The following NLRP7 variants were observed in gnomAD, a reference collection of about 807,000 sequenced individuals.
NLRP7 encodes the protein NLR family pyrin domain containing 7, also known as NACHT, LRR and PYD domains-containing protein 7.
NLRP7 carries 72 observed loss-of-function variants against 85.5 expected under a neutral mutation model. The ratio of observed to expected loss-of-function variants is 0.84; its 90% CI spans 0.70 to 1.02. NLRP7 has a LOEUF of 1.02. Among genes scored for constraint, NLRP7 ranks in the 50% least tolerant of loss-of-function variants. The pLI is 0.00. For synonymous variants in NLRP7, 550 were observed against 505.2 expected (o/e 1.09, Z -1.19); for missense variants, 1,243 against 1,219.5 (o/e 1.02, Z -0.29).
Position 54,934,025 on chromosome 19 carries a change from T to G in NLRP7, c.2472-286A>C, listed in dbSNP as rs2068786301. Reference sequence around the variant, plus strand: ...TGGCGCGATCTCGGTTCACTGCCAATCGCCGCCTCCCAGGTTTACACCATT... The same window carrying G: ...TGGCGCGATCTCGGTTCACTGCCAAGCGCCGCCTCCCAGGTTTACACCATT... On this transcript the variant is annotated intron_variant, in intron 7 of 9. Coordinates refer to ENST00000340844, the Ensembl canonical transcript of NLRP7. The surrounding 1 kb of genome is among the most constrained non-coding windows in gnomAD (Gnocchi z 6.7). Among the ~76,000 whole-genome samples, 1 of 152,124 alleles carries G rather than the reference T, an allele frequency of 6.6e-6. No individual in the cohort carries two copies. The highest frequency in any genetic ancestry group is 1.5e-5 in the Non-Finnish European group (1 of 68,012).
chr19:54,939,101 C>T lies in NLRP7; in HGVS notation c.1718G>A (p.Gly573Asp), dbSNP rs149696586. The T allele has an allele frequency of 1.1e-3, 1,697 of 1,614,216 alleles. 13 individuals are homozygous for T. The highest frequency in any genetic ancestry group is 4.5e-4 in the Non-Finnish European group (533 of 1,180,046). Residue 573 changes from glycine (G) to aspartate (D), a missense_variant, in exon 4 of 10, where the codon GGC (glycine) becomes GAC (aspartate). Gly to Asp is a moderately conservative substitution (Grantham distance 94, BLOSUM62 -1). Transcript: ENST00000340844. The stretch of plus-strand genomic sequence containing the variant: ...CTCCTCCTGAGACTCATACAGGCAG[C>T]CCAAGACCTCCTTCAGGTCGGTCAC...
chr19:54,959,478 T>C (rs2069967500), intron 1 of NLRP7, among the ~76,000 whole-genome samples: 1 of 150,830 alleles, frequency 6.6e-6, no homozygotes, highest in South Asian at 2.1e-4. Context: ...TATAAAACAA[T>C]ATAAAACAAT....
chr19:54,933,570 C>T (rs1180415209), exon 8 of NLRP7: 19 of 1,614,178 alleles, frequency 1.2e-5, no homozygotes, highest in Middle Eastern at 1.6e-4. Context: ...GGGACTTACA[C>T]CAAGGTCTGC....
chr19:54,942,925 T>A (rs1263692644), intron 1 of NLRP7, among the ~76,000 whole-genome samples: 1 of 151,590 alleles, frequency 6.6e-6, no homozygotes, highest in African/African-American at 2.4e-5. Context: ...GGCAGGTGGA[T>A]CGCCTGATGT....
At chr19:54,927,659 A>T (rs985978803) in intron 9 of NLRP7, 3 of 1,614,156 alleles carry the variant, frequency 1.9e-6, no homozygotes, top group South Asian at 1.1e-5. Flanking sequence ...GAGCTTAATT[A>T]TGCCACTCTT....
chr19:54,925,806 C>G (rs2068406401), intron 9 of NLRP7, among the ~76,000 whole-genome samples: 1 of 152,106 alleles, frequency 6.6e-6, no homozygotes, highest in Non-Finnish European at 1.5e-5. Flanking sequence ...CGAGACCAGC[C>G]TGGCCAACAT....
At chr19:54,935,569 G>A (rs1001854085) in intron 6 of NLRP7, among the ~76,000 whole-genome samples, 20 of 142,456 alleles carry the variant, frequency 1.4e-4, no homozygotes, top group East Asian at 4.1e-4. Flanking sequence ...GGTGGTGCAC[G>A]CCTGTAACCC....
rs969207560 is a variant in NLRP7, at chr19:54,954,703, A to G, written c.-76-7198T>C. On this transcript the variant is annotated intron_variant, in intron 1 of 2. Transcript: ENST00000587103. ...CTTACTAAAAATACAAAAATTAGCCAGACGTGATGGCAGGCACCTGTAATC... is the reference window on the plus strand; with the variant it reads ...CTTACTAAAAATACAAAAATTAGCCGGACGTGATGGCAGGCACCTGTAATC... Among the ~76,000 whole-genome samples the G allele has an allele frequency of 7.6e-4, 114 of 150,672 alleles. 1 individual carries two copies. The highest frequency in any genetic ancestry group is 2.5e-3 in the African/African-American group (103 of 40,992).
chr19:54,934,258 A>G lies in NLRP7; in HGVS notation c.2471+231T>C, dbSNP rs1440289399. Among the ~76,000 whole-genome samples, 2 of 151,960 alleles carry G rather than the reference A, an allele frequency of 1.3e-5. No individual in the cohort carries two copies. Among genetic ancestry groups the G allele is most frequent in the African/African-American group, 4.8e-5 (2 of 41,372 alleles). On this transcript the variant is annotated intron_variant, in intron 7 of 9. Transcript: ENST00000340844. This position sits in a 1 kb window ranked among gnomAD's most constrained non-coding sequence, Gnocchi z 6.7. ...ACCCGGCCTGTTTTTGGTATTTTTA[A>G]TAGAAACAGGGTTTCACCATGTTGG...
intron 1 of NLRP7, 69 bp from the exon 2 acceptor site, chr19:54,941,819 C>T: frequency 2.5e-6 from 3 of 1,181,006 alleles, no homozygotes; most frequent in Non-Finnish European, 2.4e-6. Flanking sequence ...TTCCTGTGTG[C>T]CAAGAACAAG....
intron 1 of NLRP7, among the ~76,000 whole-genome samples, chr19:54,963,015 T>C (rs1306238945): frequency 2.0e-5 from 3 of 152,208 alleles, no homozygotes; most frequent in Non-Finnish European, 4.4e-5. Context: ...TTTCTAAATA[T>C]GCCTTGCCTT....
Position 54,934,659 on chromosome 19 carries a change from C to A in NLRP7, c.2301G>T (p.Arg767Ser), listed in dbSNP as rs200435087. ...CCGGGGTGGCACAGTGACCTCCCAA[C>A]CTGTGAAAAGAGTGGGAAAAGTCAT... Residue 767 changes from arginine (R) to serine (S), a missense_variant and splice_region_variant, in exon 7 of 10, where the codon AGG (arginine) becomes AGT (serine). This residue lies in a region of NLRP7 where 613 missense variants were observed against 588.4 expected (regional missense o/e 1.04). Coordinates refer to ENST00000340844, the Ensembl canonical transcript of NLRP7. This position sits in a 1 kb window ranked among gnomAD's most constrained non-coding sequence, Gnocchi z 6.7. The A allele has an allele frequency of 6.1e-5, 99 of 1,612,358 alleles. No individual in the cohort carries two copies. The East Asian group carries it at 2.2e-3, about 36-fold the overall frequency.
intron 1 of NLRP7, among the ~76,000 whole-genome samples, chr19:54,944,467 CTGCCACATCCCCGTCTCCGAG>C (rs2146243709): frequency 6.6e-6 from 1 of 152,260 alleles, no homozygotes; most frequent in Non-Finnish European, 1.5e-5. Flanking sequence ...CCCTATTGTC[CTGCCACATCCCCGTCTCCGAG>C]ATGGTAGAGA....
intron 1 of NLRP7, among the ~76,000 whole-genome samples, chr19:54,964,261 G>C (rs1372326769): frequency 7.7e-6 from 1 of 130,000 alleles, no homozygotes; most frequent in East Asian, 2.5e-4. Flanking sequence ...CTGTCGCCCA[G>C]GCTGGAGTGC....
exon 9 of NLRP7, chr19:54,930,657 T>C (rs1025505024): frequency 9.9e-6 from 16 of 1,613,426 alleles, no homozygotes; most frequent in Non-Finnish European, 1.4e-5. Context: ...TTATGCTGCA[T>C]TGCTGTAACC....
intron 1 of NLRP7, among the ~76,000 whole-genome samples, chr19:54,942,450 G>A (rs1454036784): frequency 6.7e-6 from 1 of 149,664 alleles, no homozygotes; most frequent in Non-Finnish European, 1.5e-5. Context: ...ACGGCAGGGC[G>A]CGGTGGCTCA....
chr19:54,928,773 A>G (rs1569539136), intron 9 of NLRP7, among the ~76,000 whole-genome samples: 1 of 151,556 alleles, frequency 6.6e-6, no homozygotes, highest in Non-Finnish European at 1.5e-5. Flanking sequence ...AGGATCCCCC[A>G]TAAGGCCCTG....
chr19:54,930,115 C>CAA (rs34446838), intron 9 of NLRP7, among the ~76,000 whole-genome samples: 1,627 of 100,470 alleles, frequency 0.016, 52 homozygotes, highest in East Asian at 0.12. Context: ...GGCTCCGTCT[C>CAA]AAAAAAAAAA....
At chr19:54,936,204 A>G (rs775876) in intron 6 of NLRP7, 57 bp downstream of exon 6, 936,526 of 1,495,682 alleles carry the variant, frequency 0.63, 298,091 homozygotes, top group African/African-American at 0.9. Flanking sequence ...TAGATCCCCC[A>G]GCAACACGGT....
Sources: gnomAD v4.1 joint callset for allele counts (sites outside exome capture counted in the v4.1 genomes callset) on GRCh38, gnomAD v4.1.1 for gene constraint, gnomAD v4.1.1 regional missense constraint, Gnocchi (gnomAD v3.1) non-coding constraint, MANE v1.5 for transcripts, NCBI Gene and HGNC (gene_info 2026-07-23, HGNC 2026-07-21) for gene names.